TAF6: variants seen among roughly 807,000 people sequenced by gnomAD.
TAF6 encodes TATA-box binding protein associated factor 6, also known as transcription initiation factor TFIID subunit 6.
TAF6 carries 50 observed loss-of-function variants against 73.5 expected under a neutral mutation model. The ratio of observed to expected loss-of-function variants is 0.68; its 90% CI spans 0.54 to 0.86. The LOEUF is 0.86. TAF6 is among the 40% of genes least tolerant of loss of function. TAF6 has a pLI of 0.00. For synonymous variants in TAF6, 424 were observed against 376.7 expected (o/e 1.13, Z -1.45); for missense variants, 768 against 899.5 (o/e 0.85, Z 1.87).
At chr7:100,110,402 C>G in intron 10 of TAF6, 128 bp from the exon 11 acceptor site, 2 of 1,043,730 alleles carry the variant, frequency 1.9e-6, no homozygotes, top group Non-Finnish European at 2.9e-6. Context: ...CGTGGTGGCT[C>G]ACACCTGTAA....
chr7:100,112,551 A>G (rs1797285638), intron 6 of TAF6, among the ~76,000 whole-genome samples: 1 of 152,066 alleles, frequency 6.6e-6, no homozygotes, highest in Admixed American at 6.6e-5. Flanking sequence ...TCTCTACTAA[A>G]AAAAATTACA....
At chr7:100,122,866 G>A, upstream of TAF6, 1 of 1,613,832 alleles carries the variant, frequency 6.2e-7, no homozygotes, top group South Asian at 1.1e-5. Flanking sequence ...CTGGAGCTTT[G>A]GGATGAGCCC....
At chr7:100,112,558 T>C (rs1284052267) in intron 6 of TAF6, among the ~76,000 whole-genome samples, 1 of 151,736 alleles carries the variant, frequency 6.6e-6, no homozygotes, top group Admixed American at 6.6e-5. Context: ...TAAAAAAAAT[T>C]ACAAAAATTA....
chr7:100,113,932 A>G lies in TAF6; in HGVS notation c.179T>C (p.Met60Thr), dbSNP rs1442880047. The G allele has an allele frequency of 1.9e-6, 3 of 1,612,616 alleles. No homozygotes were observed. Among genetic ancestry groups the G allele is most frequent in the East Asian group, 2.2e-5 (1 of 44,826 alleles). Residue 60 changes from methionine (M) to threonine (T), a missense_variant, in exon 3 of 15, where the codon ATG becomes ACG. Physicochemically the swap from Met to Thr is moderately conservative, Grantham distance 81. Transcript: ENST00000453269. The stretch of plus-strand genomic sequence containing the variant: ...GGTGGTGAGCTTCTGCCGCTTCCCC[A>G]TGTGCATGAACTTCAAGGCATCCTG... ...IAQDALKFMH[M>T]GKRQKLTTSD...
upstream of TAF6, chr7:100,121,112 A>ATTTTTTTTTTTTTTTTTTTTT (rs1798040006): frequency 3.3e-5 from 1 of 30,718 alleles, no homozygotes; most frequent in African/African-American, 1.6e-4. Flanking sequence ...ATATATATAT[A>ATTTTTTTTTTTTTTTTTTTTT]TATATTTTTT....
rs759719231 is a variant in TAF6, at chr7:100,107,387, C to CG, written c.1892dup (p.Ala632GlyfsTer106). On this transcript the variant is annotated frameshift_variant, in exon 15 of 15. Coordinates refer to ENST00000453269, the MANE Select transcript of TAF6 (RefSeq NM_139315.3). LOFTEE classifies it high-confidence loss of function. ...CGCTGAGTGGGGACGGGGACGATGC[C>CG]GGGGGAGGAACTGGAGAAGGATGGG... 6.3e-7 allele frequency: 1 copy of CG among 1,595,614 alleles called. No individual in the cohort carries two copies. Among genetic ancestry groups the CG allele is most frequent in the Non-Finnish European group, 8.6e-7 (1 of 1,168,708 alleles).
chr7:100,123,869 G>T (rs761248468), upstream of TAF6, among the ~76,000 whole-genome samples: 2 of 152,130 alleles, frequency 1.3e-5, no homozygotes, highest in African/African-American at 2.4e-5. Flanking sequence ...GATGGCTCAC[G>T]TATGTAATCC....
Position 100,107,155 on chromosome 7 carries a change from A to T in TAF6, c.*91T>A. The T allele has an allele frequency of 6.8e-7, 1 of 1,479,990 alleles. No individual in the cohort carries two copies. The allele number at this position is 1,479,990 out of a possible 1,614,324, so 91.7% of individuals were successfully genotyped here. On this transcript the variant is annotated 3_prime_UTR_variant, in exon 15 of 15. Transcript: ENST00000453269. Reference sequence around the variant, plus strand: ...AGTGACATGAAGGAAGCAATCTACAACTTCCTTCCGCTTAGCGAGCATGCA... The same window carrying T: ...AGTGACATGAAGGAAGCAATCTACATCTTCCTTCCGCTTAGCGAGCATGCA...
At chr7:100,121,116 A>ATTT (rs1163501525), upstream of TAF6, 20 of 52,778 alleles carry the variant, frequency 3.8e-4, no homozygotes, top group African/African-American at 1.3e-3. Flanking sequence ...ATATATATAT[A>ATTT]TTTTTTTTTT....
At chr7:100,124,725 C>T, upstream of TAF6, 3 of 1,613,804 alleles carry the variant, frequency 1.9e-6, no homozygotes, top group South Asian at 2.2e-5. Flanking sequence ...TCCGATCTAG[C>T]ATGTCTACAG....
chr7:100,119,705 T>C (rs1797966268), upstream of TAF6: 1 of 1,613,780 alleles, frequency 6.2e-7, no homozygotes, highest in African/African-American at 1.3e-5. Flanking sequence ...CTTCCCGAAG[T>C]TGAAGGCAAG....
At chr7:100,113,834 T>A (rs1195908747) in intron 3 of TAF6, 34 bp downstream of exon 3, 2 of 1,573,308 alleles carry the variant, frequency 1.3e-6, no homozygotes, top group African/African-American at 1.5e-5. Flanking sequence ...AAGGATGGCG[T>A]CTCACCCCCC....
At chr7:100,113,225 CCACTGCACTCCAGCACTCCTG>C in intron 5 of TAF6, 103 bp downstream of exon 5, 2 of 953,888 alleles carry the variant, frequency 2.1e-6, no homozygotes, top group Non-Finnish European at 3.1e-6. Context: ...CAAGATTGAG[CCACTGCACTCCAGCACTCCTG>C]CACTCCAGCA....
rs1364551257 is a variant in TAF6 at position 100,110,254 on chromosome 7, C to A, written c.1104G>T (p.Thr368=). The part of the protein sequence containing the change: ...TFTKSWVDEK[T]PWTTRYGSIA... ...TGGAGCCATAACGAGTCGTCCAGGG[C>A]GTCTTCTCGTCCACCCAGCTCTGTA... Residue 368 remains threonine, a synonymous_variant, in exon 11 of 15, where the codon ACG becomes ACT. Transcript: ENST00000453269. The A allele has an allele frequency of 6.2e-7, 1 of 1,613,978 alleles. No homozygotes were observed. Among genetic ancestry groups the A allele is most frequent in the African/African-American group, 1.3e-5 (1 of 74,892 alleles).
At chr7:100,112,070 G>C in intron 7 of TAF6, 38 bp downstream of exon 7, 1 of 1,613,630 alleles carries the variant, frequency 6.2e-7, no homozygotes, top group African/African-American at 1.3e-5. Context: ...CCCAGGAGGA[G>C]GCGTCTCAGG....
upstream of TAF6, chr7:100,124,622 G>T: frequency 6.2e-7 from 1 of 1,613,218 alleles, no homozygotes; most frequent in Non-Finnish European, 8.5e-7. Context: ...GCTCCCAGCT[G>T]CTGAAACTGG....
upstream of TAF6, chr7:100,124,380 A>C: frequency 1.5e-6 from 1 of 662,474 alleles, no homozygotes; most frequent in South Asian, 1.8e-5. Flanking sequence ...TGAGGATTGC[A>C]CATCTAGTAG....
At chr7:100,114,349 C>T in intron 1 of TAF6, 81 bp from the exon 2 acceptor site, 1 of 1,383,844 alleles carries the variant, frequency 7.2e-7, no homozygotes, top group Admixed American at 1.9e-5. Context: ...ACAGTGGAGA[C>T]AGGGGAGGAA....
intron 12 of TAF6, chr7:100,109,160 TA>T: frequency 6.7e-6 from 1 of 149,608 alleles, no homozygotes; most frequent in Non-Finnish European, 1.5e-5. Flanking sequence ...CCGTCTCTAC[TA>T]AAAATACAAA....
Sources: allele counts gnomAD v4.1 joint callset (sites outside exome capture counted in the v4.1 genomes callset), GRCh38; gene constraint gnomAD v4.1.1; transcripts MANE v1.5; gene names NCBI Gene and HGNC (gene_info 2026-07-23, HGNC 2026-07-21).